PNPLA7: variants seen among roughly 807,000 people sequenced by gnomAD.
PNPLA7 encodes patatin-like phospholipase domain-containing protein 7.
In PNPLA7, 153 loss-of-function variants were observed where a neutral mutation model predicts 161.7. The ratio of observed to expected loss-of-function variants is 0.95; its 90% confidence interval spans 0.83 to 1.08. The LOEUF is 1.08. PNPLA7 is among the 50% of genes least tolerant of loss of function. PNPLA7 has a pLI of 0.00. For synonymous variants in PNPLA7, 809 were observed against 782.1 expected (o/e 1.03, Z -0.57); for missense variants, 1,739 against 1,856.6 (o/e 0.94, Z 1.16).
In PNPLA7 at chr9:137,480,573, C is replaced by A; in HGVS notation, c.2412-93G>T. 3.6e-6 allele frequency: 5 copies of A among 1,371,534 alleles called. No individual in the cohort carries two copies. In the South Asian group the frequency reaches 4.3e-5, roughly 12 times the overall value. The allele number at this position is 1,371,534 out of a possible 1,614,324, so 85.0% of individuals were successfully genotyped here. A position where few individuals can be genotyped will look rare whatever the true frequency, so the allele number is the denominator to read the frequency against. On this transcript the variant is annotated intron_variant, in intron 22 of 34. Coordinates refer to ENST00000406427, the MANE Select transcript of PNPLA7 (RefSeq NM_001098537.3). ...GGCAAAGAGGCAGCAGAGGCCAGCACCAGCCGCTGCCCCTTCCCCTCCCTG... is the reference window on the plus strand; with the variant it reads ...GGCAAAGAGGCAGCAGAGGCCAGCAACAGCCGCTGCCCCTTCCCCTCCCTG...
rs1588728008 is a variant in PNPLA7 at position 137,547,987 on chromosome 9, G to A, written c.31-328C>T. On this transcript the variant is annotated intron_variant, in intron 1 of 34. Coordinates refer to ENST00000406427, the MANE Select transcript of PNPLA7 (RefSeq NM_001098537.3). This position sits in a 1 kb window ranked among gnomAD's most constrained non-coding sequence, Gnocchi z 4.6. ...AGGCCTGGCCAAAGGGGAGGCCAAGGCCCCCCTCTCAGTGTCGCCTCAGCC... is the reference window on the plus strand; with the variant it reads ...AGGCCTGGCCAAAGGGGAGGCCAAGACCCCCCTCTCAGTGTCGCCTCAGCC... Among the ~76,000 whole-genome samples, 1 of 152,244 alleles carries A rather than the reference G, an allele frequency of 6.6e-6. No individual in the cohort carries two copies. The highest frequency in any genetic ancestry group is 1.9e-4 in the East Asian group (1 of 5,174).
intron 18 of PNPLA7, among the ~76,000 whole-genome samples, chr9:137,495,848 C>T (rs879863362): frequency 3.9e-5 from 6 of 152,232 alleles, no homozygotes; most frequent in African/African-American, 7.2e-5. Context: ...AGCCTTCATC[C>T]GGTGGATGGA....
intron 8 of PNPLA7, among the ~76,000 whole-genome samples, chr9:137,535,251 G>A (rs1835821715): frequency 6.6e-6 from 1 of 152,150 alleles, no homozygotes; most frequent in Middle Eastern, 3.2e-3. Flanking sequence ...GCACACTTGT[G>A]TTCAATAAGA....
At chr9:137,470,047 A>G (rs1343142840) in intron 25 of PNPLA7, among the ~76,000 whole-genome samples, 1 of 152,178 alleles carries the variant, frequency 6.6e-6, no homozygotes, top group African/African-American at 2.4e-5. Context: ...TTATTTTTAG[A>G]CAGGGTCTAG....
intron 23 of PNPLA7, 190 bp from the exon 24 acceptor site, chr9:137,479,428 C>T: frequency 7.7e-7 from 1 of 1,294,856 alleles, no homozygotes; most frequent in East Asian, 3.0e-5. Context: ...GTCCATCCGT[C>T]CACTGTGTGC....
Position 137,460,357 on chromosome 9 carries a change from G to T in PNPLA7, c.*36C>A, listed in dbSNP as rs1209479038. The T allele has an allele frequency of 8.2e-6, 13 of 1,586,742 alleles. No homozygotes were observed. The highest frequency in any genetic ancestry group is 1.1e-5 in the Non-Finnish European group (13 of 1,160,500). On this transcript the variant is annotated 3_prime_UTR_variant, in exon 35 of 35. Transcript: ENST00000406427. ...GCCTCAGCCTTGGGGACAGTCCCAC[G>T]GAAGACGCTGCATCCGGGCTCTTTA...
At chr9:137,477,586 C>G (rs1831998185) in intron 25 of PNPLA7, among the ~76,000 whole-genome samples, 1 of 152,110 alleles carries the variant, frequency 6.6e-6, no homozygotes, top group Non-Finnish European at 1.5e-5. Flanking sequence ...GCAGCTGGGA[C>G]TACAGGTGCG....
intron 24 of PNPLA7, 43 bp from the exon 25 acceptor site, chr9:137,478,195 C>T: frequency 8.0e-7 from 1 of 1,252,376 alleles, no homozygotes. Flanking sequence ...AGGGCCCCAC[C>T]CTCGGCCGAG....
At chr9:137,530,561 T>C (rs964955223) in intron 8 of PNPLA7, among the ~76,000 whole-genome samples, 54 of 152,176 alleles carry the variant, frequency 3.5e-4, no homozygotes, top group African/African-American at 1.3e-3. Context: ...ACGATGACTA[T>C]CCACAGTCTA....
chr9:137,512,259 T>C (rs13439946), intron 12 of PNPLA7, among the ~76,000 whole-genome samples: 4,776 of 152,328 alleles, frequency 0.031, 246 homozygotes, highest in African/African-American at 0.11. Context: ...CGCACAGACG[T>C]AAACATTCAC....
At chr9:137,463,708 G>C (rs79906910) in intron 28 of PNPLA7, among the ~76,000 whole-genome samples, 177 bp from the exon 29 acceptor site, 1 of 152,104 alleles carries the variant, frequency 6.6e-6, no homozygotes, top group Admixed American at 6.5e-5. Flanking sequence ...CTCTGGGGTC[G>C]CACTGCATTA....
chr9:137,492,136 C>A (rs1420261676), intron 20 of PNPLA7: 1 of 985,176 alleles, frequency 1.0e-6, no homozygotes, highest in African/African-American at 1.7e-5. Flanking sequence ...AGCCTGAGAG[C>A]TAACAGTGGC....
At chr9:137,549,653 G>A (rs1836743386) in intron 1 of PNPLA7, among the ~76,000 whole-genome samples, 1 of 151,732 alleles carries the variant, frequency 6.6e-6, no homozygotes, top group African/African-American at 2.4e-5. Flanking sequence ...AAATTAGCCG[G>A]GCGTGGTGCC....
At chr9:137,501,897 C>T (rs74830277) in intron 14 of PNPLA7, among the ~76,000 whole-genome samples, 170 bp from the exon 15 acceptor site, 1 of 152,260 alleles carries the variant, frequency 6.6e-6, no homozygotes, top group Admixed American at 6.5e-5. Flanking sequence ...ACTGGGCACC[C>T]TGCAGAGCCA....
intron 8 of PNPLA7, among the ~76,000 whole-genome samples, chr9:137,530,245 G>A (rs534489255): frequency 3.4e-4 from 51 of 152,224 alleles, no homozygotes; most frequent in Non-Finnish European, 6.9e-4. Flanking sequence ...GATTACAGGC[G>A]TGAGCCACCG....
At chr9:137,532,339 A>C (rs1241182903) in intron 8 of PNPLA7, among the ~76,000 whole-genome samples, 1 of 152,138 alleles carries the variant, frequency 6.6e-6, no homozygotes, top group African/African-American at 2.4e-5. Flanking sequence ...CGGGAGGCTG[A>C]AGCACAAGAC....
Position 137,521,628 on chromosome 9 carries a change from T to C in PNPLA7, c.957+8A>G. The C allele has an allele frequency of 6.2e-7, 1 of 1,612,122 alleles. No individual in the cohort carries two copies. Among genetic ancestry groups the C allele is most frequent in the Non-Finnish European group, 8.5e-7 (1 of 1,179,686 alleles). ...AGCATGGGGCTTTGTGAGGTGGTTTTCACTTACAGCGTTGAAGAGCTCTGT... is the reference window on the plus strand; with the variant it reads ...AGCATGGGGCTTTGTGAGGTGGTTTCCACTTACAGCGTTGAAGAGCTCTGT... On this transcript the variant is annotated splice_region_variant and intron_variant, in intron 10 of 34. Transcript: ENST00000406427.
chr9:137,460,981 A>C lies in PNPLA7; in HGVS notation c.3842-244T>G. On this transcript the variant is annotated intron_variant, in intron 33 of 34. Coordinates refer to ENST00000406427, the MANE Select transcript of PNPLA7 (RefSeq NM_001098537.3). ...CCACAAGGACAAGGAGCGGGCAGACACTCCTCCCCTTGTCAGCCAAGCACC... is the reference window on the plus strand; with the variant it reads ...CCACAAGGACAAGGAGCGGGCAGACCCTCCTCCCCTTGTCAGCCAAGCACC... The C allele has an allele frequency of 8.1e-6, 4 of 495,432 alleles. No individual in the cohort carries two copies. In the East Asian group the frequency reaches 1.1e-4, roughly 13 times the overall value. 30.7% of individuals were successfully genotyped at this position (495,432 alleles called of 1,614,324 possible). A position where few individuals can be genotyped will look rare whatever the true frequency, so the allele number is the denominator to read the frequency against.
chr9:137,499,217 GAC>G lies in PNPLA7; in HGVS notation c.1758-974_1758-973del, dbSNP rs1174971025. Among the ~76,000 whole-genome samples, 1 of 149,868 alleles carries G rather than the reference GAC, an allele frequency of 6.7e-6. No homozygotes were observed. Among genetic ancestry groups the G allele is most frequent in the Non-Finnish European group, 1.5e-5 (1 of 67,252 alleles). On this transcript the variant is annotated intron_variant, in intron 16 of 34. Transcript: ENST00000406427. The surrounding 1 kb of genome is among the most constrained non-coding windows in gnomAD (Gnocchi z 5.5). Reference sequence around the variant, plus strand: ...ACAGGCAGACACACAGGCACACCGAGACACACACAGACACACAGACACACACA... The same window carrying G: ...ACAGGCAGACACACAGGCACACCGAGACACACAGACACACAGACACACACA...
Sources: gnomAD v4.1 joint callset for allele counts (sites outside exome capture counted in the v4.1 genomes callset) on GRCh38, gnomAD v4.1.1 for gene constraint, Gnocchi (gnomAD v3.1) non-coding constraint, MANE v1.5 for transcripts, NCBI Gene and HGNC (gene_info 2026-07-23, HGNC 2026-07-21) for gene names.